PSG1: variants seen among roughly 807,000 people sequenced by gnomAD.
PSG1 encodes pregnancy-specific beta-1-glycoprotein 1.
Under a neutral mutation model 41.4 loss-of-function variants are expected in PSG1, and 60 were observed. That is an observed-to-expected ratio of 1.45 (90% CI 1.18 to 1.80). The LOEUF (loss-of-function observed/expected upper bound fraction) is 1.80, where lower values mean the gene tolerates loss of function less well. PSG1 is among the 40% of genes most tolerant of loss of function. The pLI is 0.00. For synonymous variants in PSG1, 256 were observed against 192.9 expected, an observed-to-expected ratio of 1.33 and a Z score of -2.71; for missense variants, 806 against 516.9, an observed-to-expected ratio of 1.56 and a Z score of -5.42.
chr19:42,867,613 G>C, intron 5 of PSG1: 1 of 703,858 alleles, frequency 1.4e-6, no homozygotes, highest in East Asian at 2.5e-5. Flanking sequence ...CTGTACTTGT[G>C]CAAATATGTG....
Position 42,867,116 on chromosome 19 carries a change from T to C in PSG1, c.*18A>G. 1 of 772,450 alleles carries C rather than the reference T, an allele frequency of 1.3e-6. No homozygotes were observed. The highest frequency in any genetic ancestry group is 2.4e-6 in the Non-Finnish European group (1 of 417,522). The allele number at this position is 772,450 out of a possible 1,614,324, so 47.8% of individuals were successfully genotyped here. Reference sequence around the variant, plus strand: ...GTGATTCCATGGGAGAAAATGGAATTGGAGGTACTAGTAGAATTCAGGGAA... The same window carrying C: ...GTGATTCCATGGGAGAAAATGGAATCGGAGGTACTAGTAGAATTCAGGGAA... On this transcript the variant is annotated 3_prime_UTR_variant, in exon 6 of 6. Transcript: ENST00000436291.
In PSG1 at chr19:42,871,732, G is replaced by C. The variant is rs199903535; in HGVS notation, c.709+35C>G. 3.1e-4 allele frequency: 506 copies of C among 1,612,582 alleles called. 13 individuals are homozygous for C. Among genetic ancestry groups the C allele is most frequent in the Non-Finnish European group, 5.3e-5 (62 of 1,179,238 alleles). On this transcript the variant is annotated intron_variant, in intron 3 of 5. Transcript: ENST00000436291. ...CCTCTGGCCACGTGTATTTGGGATG[G>C]CAGCCTGGCTCACAGAGGAACAGAA...
intron 2 of PSG1, among the ~76,000 whole-genome samples, chr19:42,873,312 C>G (rs1380395123): frequency 5.3e-5 from 8 of 151,742 alleles, no homozygotes; most frequent in South Asian, 2.1e-4. Flanking sequence ...AATTTAAAAT[C>G]CACAATGCGC....
intron 3 of PSG1, among the ~76,000 whole-genome samples, chr19:42,870,976 G>A (rs375651546): frequency 3.3e-5 from 5 of 151,586 alleles, no homozygotes; most frequent in African/African-American, 9.7e-5. Flanking sequence ...GGTGGTTTTG[G>A]AGTAGAAACA....
At chr19:42,877,480 C>G (rs970295297) in intron 2 of PSG1, among the ~76,000 whole-genome samples, 2 of 151,692 alleles carry the variant, frequency 1.3e-5, no homozygotes, top group African/African-American at 4.8e-5. Flanking sequence ...AGCACAGGCT[C>G]CTCAGCTTTA....
In PSG1 at chr19:42,868,360, A is replaced by G; in HGVS notation, c.989-5T>C. 1 of 1,604,206 alleles carries G rather than the reference A, an allele frequency of 6.2e-7. No individual in the cohort carries two copies. ...TTCTGGGGAGGTCTGGACCATCTGG[A>G]GCAAAGAGAATAAAGCCACAGGTGA... is the stretch of plus-strand genomic sequence containing the variant. On this transcript the variant is annotated splice_region_variant and splice_polypyrimidine_tract_variant and intron_variant, in intron 4 of 5. Transcript: ENST00000436291.
chr19:42,869,128 T>G lies in PSG1; in HGVS notation c.710-94A>C, dbSNP rs536705910. Reference sequence around the variant, plus strand: ...CAGAGTTGGCATCTCCCACCTCTCATTCCACCCGAGTCCTTGAAAGCCAAT... The same window carrying G: ...CAGAGTTGGCATCTCCCACCTCTCAGTCCACCCGAGTCCTTGAAAGCCAAT... On this transcript the variant is annotated intron_variant, in intron 3 of 5. Coordinates refer to ENST00000436291, the MANE Select transcript of PSG1 (RefSeq NM_001184825.2). The G allele has an allele frequency of 2.1e-5, 33 of 1,563,976 alleles. 1 individual carries two copies. In the African/African-American group the frequency reaches 2.2e-4, roughly 10 times the overall value.
At chr19:42,872,532 C>T (rs1417339564) in intron 2 of PSG1, among the ~76,000 whole-genome samples, 3 of 151,628 alleles carry the variant, frequency 2.0e-5, no homozygotes, top group Admixed American at 6.6e-5. Context: ...TACTGGAAAG[C>T]CTGGCCTGGG....
At chr19:42,870,656 G>C (rs928909229) in intron 3 of PSG1, 2 of 151,726 alleles carry the variant, frequency 1.3e-5, no homozygotes, top group South Asian at 2.1e-4. Flanking sequence ...TGTGATTCTG[G>C]TAGGGGATGC....
chr19:42,867,930 T>A (rs1971201152), intron 5 of PSG1, 171 bp downstream of exon 5: 7 of 1,545,508 alleles, frequency 4.5e-6, no homozygotes, highest in Admixed American at 4.0e-5. Flanking sequence ...GCCTGTTTGT[T>A]AAAGTTTTCG....
chr19:42,873,972 C>T (rs1011746788), intron 2 of PSG1: 12 of 151,416 alleles, frequency 7.9e-5, no homozygotes, highest in Admixed American at 4.0e-4. Flanking sequence ...CTTGTGTCTC[C>T]CCACACGAAG....
In PSG1 at chr19:42,879,531, C is replaced by T. The variant is rs1253584180; in HGVS notation, c.51G>A (p.Gly17=). Reference sequence around the variant, plus strand: ...TTCTCTCCTCACCTGTGAGCAGGAGCCCCTTCCATTTGATGCGCTGTGTGC... The same window carrying T: ...TTCTCTCCTCACCTGTGAGCAGGAGTCCCTTCCATTTGATGCGCTGTGTGC... ...PPCTQRIKWK[G]LLLTASLLNF... The change falls in exon 1 of 6, where the codon GGG becomes GGA. Residue 17 remains glycine, a synonymous_variant. Coordinates refer to ENST00000436291, the MANE Select transcript of PSG1 (RefSeq NM_001184825.2). 2 of 1,610,522 alleles carry T rather than the reference C, an allele frequency of 1.2e-6. No homozygotes were observed. Among genetic ancestry groups the T allele is most frequent in the Non-Finnish European group, 1.7e-6 (2 of 1,178,080 alleles).
At chr19:42,873,902 A>T (rs372182224) in intron 2 of PSG1, among the ~76,000 whole-genome samples, 4 of 151,812 alleles carry the variant, frequency 2.6e-5, no homozygotes, top group African/African-American at 9.7e-5. Context: ...AGCTCAGGAA[A>T]CACCACTAGA....
rs140166387 is a variant in PSG1 at position 42,877,252 on chromosome 19, A to G, written c.430+661T>C. Among the ~76,000 whole-genome samples the G allele has an allele frequency of 5.6e-3, 849 of 151,714 alleles. 14 individuals carry two copies. Among genetic ancestry groups the G allele is most frequent in the Non-Finnish European group, 8.7e-3 (590 of 67,874 alleles). On this transcript the variant is annotated intron_variant, in intron 2 of 5. Transcript: ENST00000436291. ...GGGGACATTAGTCTTTCTATGGACT[A>G]TCCTAAGCCTCCTAAGGCAGTTGGG...
chr19:42,872,702 G>C (rs954830166), intron 2 of PSG1, among the ~76,000 whole-genome samples: 1 of 151,632 alleles, frequency 6.6e-6, no homozygotes, highest in Non-Finnish European at 1.5e-5. Flanking sequence ...TCCAAGGAAT[G>C]ACCTACAAAG....
chr19:42,879,441 C>A, intron 1 of PSG1, 77 bp downstream of exon 1: 1 of 1,577,250 alleles, frequency 6.3e-7, no homozygotes. Context: ...TTTTTTAGAA[C>A]CCCATCCTCT....
At chr19:42,879,405 G>A in intron 1 of PSG1, 113 bp downstream of exon 1, 1 of 1,484,586 alleles carries the variant, frequency 6.7e-7, no homozygotes, top group South Asian at 1.2e-5. Flanking sequence ...ACCCACCTCA[G>A]ACTCCCAAAG....
At position 42,878,040 on chromosome 19, in the gene PSG1, T is replaced by C; in HGVS notation, c.303A>G (p.Ala101=). The C allele has an allele frequency of 1.9e-6, 3 of 1,612,506 alleles. No individual in the cohort carries two copies. The highest frequency in any genetic ancestry group is 2.5e-6 in the Non-Finnish European group (3 of 1,179,198). The change falls in exon 2 of 6, where the codon GCA becomes GCG. Residue 101 remains alanine (A), a synonymous_variant. Coordinates refer to ENST00000436291, the MANE Select transcript of PSG1 (RefSeq NM_001184825.2). ...YGPAYSGRET[A]YSNASLLIQN... ...GGATCAGCAGGGATGCATTGGAATA[T>C]GCTGTTTCTCGTCCACTATATGCAG...
rs1971431325 is a variant in PSG1 at position 42,872,383 on chromosome 19, C to T, written c.431-338G>A. ...TGCCTGGCCCACCTTGTGGTCCTCA[C>T]TTGGAGCATGCAGTGCTGGAATCTT... is the stretch of plus-strand genomic sequence containing the variant. On this transcript the variant is annotated intron_variant, in intron 2 of 5. Coordinates refer to ENST00000436291, the MANE Select transcript of PSG1 (RefSeq NM_001184825.2). Among the ~76,000 whole-genome samples the T allele has an allele frequency of 2.0e-5, 3 of 151,666 alleles. 1 individual carries two copies. Among genetic ancestry groups the T allele is most frequent in the African/African-American group, 4.8e-5 (2 of 41,262 alleles).
Sources: allele counts gnomAD v4.1 joint callset (sites outside exome capture counted in the v4.1 genomes callset), GRCh38; gene constraint gnomAD v4.1.1; transcripts MANE v1.5; gene names NCBI Gene and HGNC (gene_info 2026-07-23, HGNC 2026-07-21).